SIPA1L1: variants seen among roughly 807,000 people sequenced by gnomAD.
The protein encoded by SIPA1L1 is signal-induced proliferation-associated 1-like protein 1.
Under a neutral mutation model 162.7 loss-of-function variants are expected in SIPA1L1, and 26 were observed. The observed-to-expected ratio is 0.16, with a 90% CI of 0.12 to 0.22. The LOEUF (loss-of-function observed/expected upper bound fraction) is 0.22. SIPA1L1 is among the 10% of genes least tolerant of loss of function. The pLI is 1.00. For synonymous variants in SIPA1L1, 829 were observed against 837.4 expected, an observed-to-expected ratio of 0.99 and a Z score of 0.17; for missense variants, 1,874 against 2,241.0, an observed-to-expected ratio of 0.84 and a Z score of 3.31.
intron 2 of SIPA1L1, chr14:71,330,406 C>T (rs779614003): frequency 7.9e-5 from 98 of 1,248,034 alleles, no homozygotes; most frequent in Non-Finnish European, 1.0e-4. Context: ...GCTGATTTCA[C>T]GAGCTGTCTT....
chr14:71,416,397 A>C (rs1390412889), intron 2 of SIPA1L1: 1 of 151,652 alleles, frequency 6.6e-6, no homozygotes, highest in African/African-American at 2.4e-5. Context: ...TATGGGTTTT[A>C]ATACACCTTG....
chr14:71,457,791 T>C (rs1251276623), intron 2 of SIPA1L1, among the ~76,000 whole-genome samples: 3 of 151,374 alleles, frequency 2.0e-5, no homozygotes, highest in Non-Finnish European at 1.5e-5. Flanking sequence ...AGATGGGGGT[T>C]TCACCATGTT....
chr14:71,647,342 G>C (rs1226316913), intron 7 of SIPA1L1, among the ~76,000 whole-genome samples: 3 of 151,678 alleles, frequency 2.0e-5, no homozygotes, highest in Non-Finnish European at 4.4e-5. Flanking sequence ...AATTCTGCTT[G>C]TCCACTACTT....
chr14:71,724,518 A>C, intron 18 of SIPA1L1, 152 bp from the exon 19 acceptor site: 1 of 562,138 alleles, frequency 1.8e-6, no homozygotes, highest in Non-Finnish European at 3.0e-6. Flanking sequence ...CGTTTATATG[A>C]GTAGATTCGC....
intron 4 of SIPA1L1, among the ~76,000 whole-genome samples, chr14:71,567,440 A>G (rs2030908648): frequency 6.6e-6 from 1 of 152,232 alleles, no homozygotes; most frequent in Admixed American, 6.5e-5. Flanking sequence ...AGCAACGTGG[A>G]GAAATCTTGA....
At chr14:71,632,768 T>C (rs564216550) in intron 7 of SIPA1L1, among the ~76,000 whole-genome samples, 25 of 152,298 alleles carry the variant, frequency 1.6e-4, no homozygotes, top group Admixed American at 1.6e-3. Context: ...TTGTTGCCAC[T>C]GCCTAGCAAT....
intron 17 of SIPA1L1, among the ~76,000 whole-genome samples, chr14:71,720,773 A>G (rs2150165243): frequency 6.6e-6 from 1 of 152,154 alleles, no homozygotes; most frequent in African/African-American, 2.4e-5. Context: ...TCAACTCCAG[A>G]AATTCTGCTT....
At chr14:71,699,307 T>C (rs913756857) in intron 14 of SIPA1L1, among the ~76,000 whole-genome samples, 180 bp downstream of exon 14, 1 of 152,226 alleles carries the variant, frequency 6.6e-6, no homozygotes, top group Non-Finnish European at 1.5e-5. Context: ...TTAAACTACT[T>C]CTTAGGAAGT....
At chr14:71,423,276 C>A (rs1040701800) in intron 2 of SIPA1L1, among the ~76,000 whole-genome samples, 1 of 151,902 alleles carries the variant, frequency 6.6e-6, no homozygotes. Flanking sequence ...TGTGTGTTGC[C>A]TTTTTTAGTC....
chr14:71,565,411 A>G (rs2030256964), intron 4 of SIPA1L1, among the ~76,000 whole-genome samples: 1 of 152,222 alleles, frequency 6.6e-6, no homozygotes, highest in South Asian at 2.1e-4. Context: ...GGGGTTTGGT[A>G]GGCCTGCCTA....
intron 7 of SIPA1L1, among the ~76,000 whole-genome samples, chr14:71,643,429 C>CT (rs1343543239): frequency 1.3e-5 from 2 of 152,118 alleles, no homozygotes; most frequent in African/African-American, 2.4e-5. Context: ...GTTCATAAGA[C>CT]TTTTTTGTGT....
At chr14:71,688,701 C>T (rs1235374593) in intron 13 of SIPA1L1, among the ~76,000 whole-genome samples, 2 of 152,162 alleles carry the variant, frequency 1.3e-5, no homozygotes, top group South Asian at 4.1e-4. Flanking sequence ...GTGCCATTTA[C>T]AATTTGTACC....
chr14:71,366,816 G>C (rs2038342167), intron 2 of SIPA1L1, among the ~76,000 whole-genome samples: 1 of 152,184 alleles, frequency 6.6e-6, no homozygotes, highest in Non-Finnish European at 1.5e-5. Context: ...TTATTGTGGG[G>C]ATCAAGTTAA....
intron 13 of SIPA1L1, among the ~76,000 whole-genome samples, chr14:71,693,043 G>C (rs577747476): frequency 9.2e-5 from 14 of 152,214 alleles, no homozygotes; most frequent in Non-Finnish European, 1.8e-4. Context: ...GGGTAATACA[G>C]GTTCAGCATC....
At chr14:71,352,850 A>G (rs191567394) in intron 2 of SIPA1L1, among the ~76,000 whole-genome samples, 5 of 152,330 alleles carry the variant, frequency 3.3e-5, no homozygotes, top group East Asian at 3.9e-4. Context: ...AGACATGTCA[A>G]GATTTGGCAT....
At position 71,558,839 on chromosome 14, in the gene SIPA1L1, A is replaced by G. The variant is rs75264079; in HGVS notation, c.-302-28732A>G. On this transcript the variant is annotated intron_variant, in intron 4 of 23. Transcript: ENST00000381232. ...GCTGAGACTACAGGTGCACGCCGCT[A>G]CACTTGGCTAAGTTTCTTATTTTTT... Among the ~76,000 whole-genome samples, 963 of 152,204 alleles carry G rather than the reference A, an allele frequency of 6.3e-3. 7 individuals carry two copies. The highest frequency in any genetic ancestry group is 0.022 in the African/African-American group (905 of 41,520).
intron 7 of SIPA1L1, among the ~76,000 whole-genome samples, chr14:71,628,522 A>G (rs1035177531): frequency 1.3e-5 from 2 of 152,260 alleles, no homozygotes; most frequent in Non-Finnish European, 2.9e-5. Context: ...TTCACAAGTA[A>G]GCAGGACTGT....
At chr14:71,633,172 G>A (rs1596530113) in intron 7 of SIPA1L1, among the ~76,000 whole-genome samples, 1 of 148,180 alleles carries the variant, frequency 6.7e-6, no homozygotes, top group Admixed American at 6.9e-5. Context: ...GTTCTGTTCT[G>A]TTCTTTGGAG....
intron 2 of SIPA1L1, among the ~76,000 whole-genome samples, chr14:71,411,765 G>A (rs1230521116): frequency 3.9e-5 from 6 of 152,182 alleles, no homozygotes; most frequent in African/African-American, 1.2e-4. Flanking sequence ...CCCCTGGCCC[G>A]CTTGCTGCTT....
Sources: allele counts gnomAD v4.1 joint callset (sites outside exome capture counted in the v4.1 genomes callset), GRCh38; gene constraint gnomAD v4.1.1; transcripts MANE v1.5; gene names NCBI Gene and HGNC (gene_info 2026-07-23, HGNC 2026-07-21).